Variants in DGLUCY observed in about 807,000 individuals in gnomAD.
The protein encoded by DGLUCY is D-glutamate cyclase.
Under a neutral mutation model 58.5 loss-of-function variants are expected in DGLUCY, and 58 were observed. The observed-to-expected ratio is 0.99, with a 90% CI of 0.80 to 1.23. The LOEUF (loss-of-function observed/expected upper bound fraction) is 1.23. Among genes scored for constraint, DGLUCY ranks in the 50% most tolerant of loss-of-function variants. The pLI, the probability that DGLUCY is intolerant of heterozygous loss-of-function variation, is 0.00. For missense variants in DGLUCY, 779 were observed against 784.7 expected (o/e 0.99, Z 0.09); for synonymous variants, 325 against 314.1 (o/e 1.03, Z -0.37).
At chr14:91,088,560 A>T (rs1465536430) in intron 1 of DGLUCY, among the ~76,000 whole-genome samples, 2 of 152,132 alleles carry the variant, frequency 1.3e-5, no homozygotes, top group African/African-American at 4.8e-5. Context: ...GCCTCTGATG[A>T]GATTTCAGAG....
At chr14:91,180,298 G>A (rs1026982125) in intron 7 of DGLUCY, among the ~76,000 whole-genome samples, 3 of 151,946 alleles carry the variant, frequency 2.0e-5, no homozygotes, top group South Asian at 2.1e-4. Flanking sequence ...CGGGCTGGGC[G>A]TGGTGGCTCA....
At position 91,199,779 on chromosome 14, in the gene DGLUCY, G is replaced by A. The variant is rs375771695; in HGVS notation, c.1318G>A (p.Glu440Lys). ...CAGATTTGACCACCTGGTGGCCATA[G>A]AGCGTGCCGGAAGAGCTGCTGATGG... is the stretch of plus-strand genomic sequence containing the variant. ...TPRFDHLVAI[E>K]RAGRAADGNY... Residue 440 changes from glutamate to lysine, a missense_variant, in exon 11 of 14, where the codon GAG (glutamate) becomes AAG (lysine). By Grantham distance (56) the Glu-to-Lys change is moderately conservative (BLOSUM62 1). Coordinates refer to ENST00000256324, the MANE Select transcript of DGLUCY (RefSeq NM_001102368.3). The A allele has an allele frequency of 4.9e-5, 79 of 1,614,168 alleles. No individual in the cohort carries two copies. Among genetic ancestry groups the A allele is most frequent in the Admixed American group, 2.5e-4 (15 of 60,024 alleles).
chr14:91,140,976 G>A (rs1246072193), intron 1 of DGLUCY, among the ~76,000 whole-genome samples: 1 of 152,186 alleles, frequency 6.6e-6, no homozygotes, highest in Non-Finnish European at 1.5e-5. Context: ...CTGACCTGTA[G>A]ACTTGTCAAA....
At chr14:91,129,669 G>A (rs1207321334) in intron 1 of DGLUCY, among the ~76,000 whole-genome samples, 7 of 150,376 alleles carry the variant, frequency 4.7e-5, no homozygotes, top group Non-Finnish European at 8.9e-5. Context: ...TTTCTGAGAC[G>A]GAGTTTCACT....
chr14:91,137,234 A>G (rs1421966713), intron 1 of DGLUCY, among the ~76,000 whole-genome samples: 4 of 151,366 alleles, frequency 2.6e-5, no homozygotes, highest in Non-Finnish European at 5.9e-5. Flanking sequence ...CAGGTTCCCA[A>G]ATTGCTAGGA....
chr14:91,169,331 A>G lies in DGLUCY; in HGVS notation c.258-672A>G, dbSNP rs548030089. Reference sequence around the variant, plus strand: ...CTGGCACTGAGAGGTTCCCCAAGACACATATTCTCTGTCCCCTTTGGGCTA... The same window carrying G: ...CTGGCACTGAGAGGTTCCCCAAGACGCATATTCTCTGTCCCCTTTGGGCTA... On this transcript the variant is annotated intron_variant, in intron 4 of 13. Coordinates refer to ENST00000256324, the MANE Select transcript of DGLUCY (RefSeq NM_001102368.3). Among the ~76,000 whole-genome samples the G allele has an allele frequency of 2.9e-4, 44 of 152,114 alleles. 1 individual carries two copies. The highest frequency in any genetic ancestry group is 1.3e-3 in the Admixed American group (20 of 15,296).
At chr14:91,193,200 T>C (rs1477529405) in intron 9 of DGLUCY, among the ~76,000 whole-genome samples, 2 of 152,324 alleles carry the variant, frequency 1.3e-5, no homozygotes, top group East Asian at 3.9e-4. Context: ...CGTGTTTCCG[T>C]AGGGCAGAGA....
intron 1 of DGLUCY, among the ~76,000 whole-genome samples, chr14:91,091,342 A>C (rs2044307888): frequency 6.6e-6 from 1 of 151,884 alleles, no homozygotes; most frequent in African/African-American, 2.4e-5. Flanking sequence ...GCAACATGGT[A>C]AAACCCCGTC....
At position 91,213,443 on chromosome 14, in the gene DGLUCY, A is replaced by T. The variant is rs543608515; in HGVS notation, c.1565-1962A>T. Among the ~76,000 whole-genome samples the T allele has an allele frequency of 5.1e-4, 78 of 152,320 alleles. 1 individual carries two copies. The Middle Eastern group carries it at 0.017, about 33-fold the overall frequency. The stretch of plus-strand genomic sequence containing the variant: ...GAGCAAGACTTGCTCTCAAAAAAAA[A>T]AATAATAATTATTGATGACAAGAAT... On this transcript the variant is annotated intron_variant, in intron 12 of 13. Transcript: ENST00000256324.
chr14:91,127,836 AG>A (rs1209817571), intron 1 of DGLUCY, among the ~76,000 whole-genome samples: 1 of 152,058 alleles, frequency 6.6e-6, no homozygotes, highest in Admixed American at 6.5e-5. Flanking sequence ...GCTTTCAGAA[AG>A]GTCAACTGGG....
At chr14:91,116,551 G>A (rs1340122290) in intron 1 of DGLUCY, among the ~76,000 whole-genome samples, 1 of 152,128 alleles carries the variant, frequency 6.6e-6, no homozygotes, top group Non-Finnish European at 1.5e-5. Context: ...TACCAGAAAG[G>A]GGCCTCAAAC....
At chr14:91,164,238 C>G (rs2048151923) in intron 3 of DGLUCY, among the ~76,000 whole-genome samples, 1 of 152,140 alleles carries the variant, frequency 6.6e-6, no homozygotes, top group Admixed American at 6.6e-5. Flanking sequence ...GTGTGAGCCA[C>G]CACGCCCGGC....
intron 1 of DGLUCY, among the ~76,000 whole-genome samples, chr14:91,095,460 A>G (rs2044379026): frequency 6.6e-6 from 1 of 152,200 alleles, no homozygotes; most frequent in African/African-American, 2.4e-5. Context: ...ACGTGAAGGC[A>G]AGTGGCTATG....
upstream of DGLUCY, among the ~76,000 whole-genome samples, chr14:91,113,397 T>C (rs2044745292): frequency 6.6e-6 from 1 of 151,112 alleles, no homozygotes; most frequent in South Asian, 2.1e-4. Context: ...GGTCCAAAGG[T>C]AAGTCCTGAT....
chr14:91,114,055 C>T (rs1439825228), upstream of DGLUCY: 1 of 152,404 alleles, frequency 6.6e-6, no homozygotes, highest in Admixed American at 6.5e-5. Flanking sequence ...CACGCTGCTG[C>T]ATGGGCCACG....
chr14:91,140,200 T>TTCCTCC (rs1345329203), intron 1 of DGLUCY, among the ~76,000 whole-genome samples: 8 of 152,284 alleles, frequency 5.3e-5, no homozygotes, highest in Admixed American at 2.0e-4. Flanking sequence ...CCTCTTCCCT[T>TTCCTCC]TCCTCCTCCT....
chr14:91,176,991 TTCTTTCTTTC>T (rs1214625504), intron 7 of DGLUCY, among the ~76,000 whole-genome samples: 1 of 150,528 alleles, frequency 6.6e-6, no homozygotes, highest in East Asian at 1.9e-4. Flanking sequence ...TGTCTTGTCT[TTCTTTCTTTC>T]TCTTTCTTTC....
chr14:91,118,274 A>G (rs1426313924), intron 1 of DGLUCY, among the ~76,000 whole-genome samples: 6 of 151,758 alleles, frequency 4.0e-5, no homozygotes. Context: ...TTAGATTTTT[A>G]GTAGAGCCAG....
At chr14:91,200,188 C>T (rs2050466978) in intron 11 of DGLUCY, among the ~76,000 whole-genome samples, 1 of 152,172 alleles carries the variant, frequency 6.6e-6, no homozygotes, top group Non-Finnish European at 1.5e-5. Context: ...CTCCTGACGT[C>T]AAGTGATCTA....
Sources: gnomAD v4.1 joint callset for allele counts (sites outside exome capture counted in the v4.1 genomes callset) on GRCh38, gnomAD v4.1.1 for gene constraint, MANE v1.5 for transcripts, NCBI Gene and HGNC (gene_info 2026-07-23, HGNC 2026-07-21) for gene names.